Variants in INTS6L observed in about 807,000 individuals in gnomAD.
The protein encoded by INTS6L is integrator complex subunit 6-like.
A neutral mutation model predicts 64.7 loss-of-function variants in INTS6L; 18 were observed. That is an observed-to-expected ratio of 0.28 (90% confidence interval 0.19 to 0.41). The LOEUF is 0.41. Among genes scored for constraint, INTS6L ranks in the 10% least tolerant of loss-of-function variants. INTS6L has a pLI of 1.00. For missense variants in INTS6L, 533 were observed against 661.0 expected (o/e 0.81, Z 2.12); for synonymous variants, 227 against 235.9 (o/e 0.96, Z 0.34).
chrX:135,564,855 T>C (rs1602978293), intron 9 of INTS6L, among the ~76,000 whole-genome samples: 1 of 111,827 alleles, frequency 8.9e-6, no homozygotes, highest in East Asian at 2.8e-4. Flanking sequence ...CTGTTTTAAC[T>C]TACTTCCTCT....
chrX:135,560,262 T>C (rs1301143574), intron 9 of INTS6L, among the ~76,000 whole-genome samples: 1 of 112,441 alleles, frequency 8.9e-6, no homozygotes, highest in Non-Finnish European at 1.9e-5. Flanking sequence ...GTTAATATTG[T>C]ATCCTGCAAC....
At position 135,520,717 on chromosome X, in the gene INTS6L, G is replaced by A; in HGVS notation, c.-276G>A. 1.5e-5 allele frequency: 5 copies of A among 341,762 alleles called. No individual in the cohort carries two copies. The highest frequency in any genetic ancestry group is 1.2e-4 in the South Asian group (2 of 16,061). The allele number at this position is 341,762 out of a possible 1,213,427, so 28.2% of individuals were successfully genotyped here. A position where few individuals can be genotyped will look rare whatever the true frequency, so the allele number is the denominator to read the frequency against. ...GGATGCTTAGGCAGTAGTCCTGGCA[G>A]CGGCAGTAGTGGTGGCAGCAGAAGA... is the stretch of plus-strand genomic sequence containing the variant. On this transcript the variant is annotated 5_prime_UTR_variant, in exon 1 of 18. Coordinates refer to ENST00000639893, the MANE Select transcript of INTS6L (RefSeq NM_001351601.3).
In INTS6L at chrX:135,547,216, A is replaced by T; in HGVS notation, c.693A>T (p.Val231=). 8.3e-7 allele frequency: 1 copy of T among 1,210,092 alleles called. No individual in the cohort carries two copies. Among genetic ancestry groups the T allele is most frequent in the Non-Finnish European group, 1.1e-6 (1 of 894,723 alleles). The change falls in exon 6 of 18, where the codon GTA becomes GTT. Residue 231 remains valine, a synonymous_variant. Coordinates refer to ENST00000639893, the MANE Select transcript of INTS6L (RefSeq NM_001351601.3). ...ESLVQKVQSG[V]VINFEKTGPD... is the part of the protein sequence containing the mutation. ...TAGTTCAAAAAGTTCAGAGTGGTGTAGTTATTAATTTTGAAAAAACAGGAC... is the reference window on the plus strand; with the variant it reads ...TAGTTCAAAAAGTTCAGAGTGGTGTTGTTATTAATTTTGAAAAAACAGGAC...
intron 2 of INTS6L, among the ~76,000 whole-genome samples, chrX:135,524,451 T>G (rs1179450530): frequency 5.5e-5 from 5 of 90,314 alleles, no homozygotes; most frequent in South Asian, 4.8e-4. Context: ...AATATGAGTG[T>G]TTTTTTTTTT....
intron 8 of INTS6L, among the ~76,000 whole-genome samples, 171 bp from the exon 9 acceptor site, chrX:135,555,997 G>A (rs1438041360): frequency 8.9e-6 from 1 of 112,140 alleles, no homozygotes; most frequent in Admixed American, 9.4e-5. Flanking sequence ...TAGTACATGA[G>A]CCTGGCCTAG....
intron 10 of INTS6L, 25 bp downstream of exon 10, chrX:135,569,456 A>G (rs2087038600): frequency 1.1e-6 from 1 of 914,223 alleles, no homozygotes; most frequent in African/African-American, 2.0e-5. Context: ...GTATATATGT[A>G]TTAACTGTAT....
intron 2 of INTS6L, among the ~76,000 whole-genome samples, chrX:135,531,969 G>T (rs1401759644): frequency 8.9e-6 from 1 of 111,874 alleles, no homozygotes; most frequent in African/African-American, 3.2e-5. Context: ...TGAGGGTGAG[G>T]ACATGACAGA....
chrX:135,532,360 T>G (rs908153393), intron 2 of INTS6L, among the ~76,000 whole-genome samples: 2 of 112,745 alleles, frequency 1.8e-5, no homozygotes, highest in African/African-American at 3.2e-5. Context: ...GTAAACATTG[T>G]AAACTCCCTT....
intron 2 of INTS6L, among the ~76,000 whole-genome samples, chrX:135,531,062 T>G (rs2085893282): frequency 8.9e-6 from 1 of 112,079 alleles, no homozygotes; most frequent in African/African-American, 3.2e-5. Flanking sequence ...TCTTGAAACA[T>G]TTTTGTTTGT....
At chrX:135,543,622 AG>A (rs2086282466) in intron 2 of INTS6L, among the ~76,000 whole-genome samples, 1 of 112,020 alleles carries the variant, frequency 8.9e-6, no homozygotes, top group Non-Finnish European at 1.9e-5. Context: ...TGCCAAGTAT[AG>A]CATAGTTTGT....
At chrX:135,562,837 C>T (rs2086826121) in intron 9 of INTS6L, among the ~76,000 whole-genome samples, 1 of 111,940 alleles carries the variant, frequency 8.9e-6, no homozygotes, top group Admixed American at 9.5e-5. Context: ...CTTTTCCCAT[C>T]ATTTTACTTT....
intron 14 of INTS6L, among the ~76,000 whole-genome samples, chrX:135,575,832 C>T (rs1556530593): frequency 2.8e-5 from 3 of 108,705 alleles, no homozygotes; most frequent in African/African-American, 1.0e-4. Flanking sequence ...GTGTGTTATA[C>T]TGACTTGCCC....
chrX:135,556,395 C>T (rs1262427356), intron 9 of INTS6L, 95 bp downstream of exon 9: 11 of 815,113 alleles, frequency 1.3e-5, no homozygotes, highest in Non-Finnish European at 1.8e-5. Context: ...ATGACGGTAA[C>T]AAATTGATTT....
In INTS6L at chrX:135,546,451, T is replaced by C. The variant is rs1556515081; in HGVS notation, c.411T>C (p.Thr137=). 6 of 1,173,475 alleles carry C rather than the reference T, an allele frequency of 5.1e-6. No individual in the cohort carries two copies. Among genetic ancestry groups the C allele is most frequent in the Non-Finnish European group, 5.7e-6 (5 of 880,701 alleles). The change falls in exon 4 of 18, where the codon ACT becomes ACC. Residue 137 remains threonine (T), a synonymous_variant. Coordinates refer to ENST00000639893, the MANE Select transcript of INTS6L (RefSeq NM_001351601.3). ...CAGATGGAAACAAGTTAACAAGTAC[T>C]GCTGGTGTTCAAGAAGAGGTGAGAT... ...TITDGNKLTS[T]AGVQEELHLP...
chrX:135,533,969 T>C (rs2148582117), intron 2 of INTS6L, among the ~76,000 whole-genome samples: 1 of 111,245 alleles, frequency 9.0e-6, no homozygotes, highest in South Asian at 3.8e-4. Flanking sequence ...TCTAAGATGT[T>C]TCTGCTTCAG....
chrX:135,528,152 G>T (rs1242402682), intron 2 of INTS6L, among the ~76,000 whole-genome samples: 1 of 111,035 alleles, frequency 9.0e-6, no homozygotes, highest in Non-Finnish European at 1.9e-5. Context: ...GCCTTTTACC[G>T]AAAGAGTGTA....
intron 9 of INTS6L, among the ~76,000 whole-genome samples, chrX:135,557,085 T>A (rs1281905088): frequency 8.9e-6 from 1 of 111,905 alleles, no homozygotes; most frequent in Non-Finnish European, 1.9e-5. Context: ...AGTTTAAGAA[T>A]GAGTCATCGT....
At chrX:135,532,465 A>C (rs1395829939) in intron 2 of INTS6L, among the ~76,000 whole-genome samples, 1 of 112,432 alleles carries the variant, frequency 8.9e-6, no homozygotes, top group Non-Finnish European at 1.9e-5. Flanking sequence ...GACATAGTAC[A>C]TCCAGTCTAG....
At chrX:135,579,672 G>T in intron 15 of INTS6L, 116 bp from the exon 16 acceptor site, 1 of 1,014,546 alleles carries the variant, frequency 9.9e-7, no homozygotes, top group Non-Finnish European at 1.3e-6. Context: ...TCGCCACCTG[G>T]TATATCATCC....
Sources: gnomAD v4.1 joint callset for allele counts (sites outside exome capture counted in the v4.1 genomes callset) on GRCh38, gnomAD v4.1.1 for gene constraint, MANE v1.5 for transcripts, NCBI Gene and HGNC (gene_info 2026-07-23, HGNC 2026-07-21) for gene names.